SLC6A12: variants seen among roughly 807,000 people sequenced by gnomAD.
SLC6A12 encodes sodium- and chloride-dependent betaine transporter.
Under a neutral mutation model 73.3 loss-of-function variants are expected in SLC6A12, and 50 were observed. That is an observed-to-expected ratio of 0.68 (90% CI 0.54 to 0.86). The LOEUF is 0.86. Ranked by LOEUF, SLC6A12 falls within the 40% of genes least tolerant of loss-of-function variation. The pLI is 0.00. For missense variants in SLC6A12, 648 were observed against 772.8 expected, an observed-to-expected ratio of 0.84 and a Z score of 1.92; for synonymous variants, 304 against 309.2, an observed-to-expected ratio of 0.98 and a Z score of 0.18.
chr12:207,670 A>C (rs1285967136), intron 3 of SLC6A12, among the ~76,000 whole-genome samples: 1 of 152,212 alleles, frequency 6.6e-6, no homozygotes, highest in African/African-American at 2.4e-5. Context: ...AAAGCAAAAA[A>C]ATAAAAGACA....
At chr12:185,013 G>A in the SLC6A12 span, among the ~76,000 whole-genome samples, 2 of 152,110 alleles carry the variant, frequency 1.3e-5, no homozygotes, top group Non-Finnish European at 2.9e-5. Flanking sequence ...AAGCAAGGAT[G>A]CCAGCTGCCA....
At chr12:186,558 GC>G (rs1045304872), downstream of SLC6A12, among the ~76,000 whole-genome samples, 1 of 152,222 alleles carries the variant, frequency 6.6e-6, no homozygotes, top group Non-Finnish European at 1.5e-5. Context: ...GCCACTAGAA[GC>G]CTTGGCCAGC....
At chr12:196,958 CTGTG>C (rs150908861) in intron 10 of SLC6A12, 76 bp from the exon 11 acceptor site, 16 of 929,840 alleles carry the variant, frequency 1.7e-5, no homozygotes, top group African/African-American at 1.1e-4. Flanking sequence ...TCTCTAAGCA[CTGTG>C]TGTGTGTGTA....
In SLC6A12 at chr12:213,411, T is replaced by C. The variant is rs1051241912; in HGVS notation, c.-143+511A>G. 2 of 152,490 alleles carry C rather than the reference T, an allele frequency of 1.3e-5. No homozygotes were observed. Among genetic ancestry groups the C allele is most frequent in the African/African-American group, 4.8e-5 (2 of 41,444 alleles). 9.4% of individuals were successfully genotyped at this position (152,490 alleles called of 1,614,324 possible). ...CCCCCCTCGGGTACAAGCACACCCA[T>C]AGCATCCACCGCCCAAAGCCAAGAC... is the stretch of plus-strand genomic sequence containing the variant. On this transcript the variant is annotated intron_variant, in intron 1 of 15. Transcript: ENST00000684302. The surrounding 1 kb of genome is among the most constrained non-coding windows in gnomAD (Gnocchi z 5.3).
At chr12:189,349 T>C (rs1311440190), downstream of SLC6A12, among the ~76,000 whole-genome samples, 1 of 152,190 alleles carries the variant, frequency 6.6e-6, no homozygotes, top group Non-Finnish European at 1.5e-5. Context: ...TGAGAGCATC[T>C]GGCTGAAGCC....
intron 3 of SLC6A12, among the ~76,000 whole-genome samples, chr12:205,846 T>A (rs1940607472): frequency 6.6e-6 from 1 of 152,228 alleles, no homozygotes; most frequent in South Asian, 2.1e-4. Flanking sequence ...CATATCTACC[T>A]CATCATTTTG....
intron 11 of SLC6A12, among the ~76,000 whole-genome samples, chr12:196,471 G>C (rs374527562): frequency 5.9e-5 from 9 of 152,228 alleles, no homozygotes; most frequent in African/African-American, 1.4e-4. Context: ...GGGTTAGAGG[G>C]GGGTATGTTC....
At chr12:201,496 C>T in intron 6 of SLC6A12, 1 of 460,820 alleles carries the variant, frequency 2.2e-6, no homozygotes, top group South Asian at 2.2e-5. Flanking sequence ...CCCCACTGGA[C>T]ATGTGTGGGC....
chr12:206,996 G>A (rs559469680), intron 3 of SLC6A12, among the ~76,000 whole-genome samples: 100 of 152,354 alleles, frequency 6.6e-4, no homozygotes, highest in African/African-American at 2.2e-3. Context: ...AGGAGGCCTG[G>A]AGCTGGGCCT....
intron 10 of SLC6A12, among the ~76,000 whole-genome samples, chr12:197,106 C>T (rs867022094): frequency 1.2e-3 from 73 of 58,538 alleles, no homozygotes; most frequent in Middle Eastern, 6.7e-3. Flanking sequence ...TCCATCCATC[C>T]ATCCATCCAT....
At chr12:209,681 A>T in intron 3 of SLC6A12, 92 bp downstream of exon 3, 7 of 1,399,158 alleles carry the variant, frequency 5.0e-6, no homozygotes, top group Non-Finnish European at 7.1e-6. Context: ...CCTTTTATAA[A>T]CCACACTGCC....
At chr12:187,967 A>C (rs1939466373), downstream of SLC6A12, among the ~76,000 whole-genome samples, 2 of 152,204 alleles carry the variant, frequency 1.3e-5, no homozygotes, top group Non-Finnish European at 2.9e-5. Flanking sequence ...AGCTAGATAC[A>C]GAGTGCCGAT....
At chr12:187,576 T>C (rs1439214135), downstream of SLC6A12, among the ~76,000 whole-genome samples, 6 of 102,186 alleles carry the variant, frequency 5.9e-5, no homozygotes, top group Admixed American at 3.5e-4. Flanking sequence ...CAGCAAGATT[T>C]ACTGCAAAAG....
intron 3 of SLC6A12, among the ~76,000 whole-genome samples, chr12:207,990 C>G (rs1940733312): frequency 1.3e-5 from 2 of 152,216 alleles, no homozygotes; most frequent in Admixed American, 1.3e-4. Context: ...CAGCAGCCAG[C>G]ATGACAGGAC....
intron 9 of SLC6A12, 43 bp from the exon 10 acceptor site, chr12:197,544 G>C (rs1312410792): frequency 1.3e-6 from 2 of 1,578,024 alleles, no homozygotes; most frequent in Non-Finnish European, 1.7e-6. Flanking sequence ...GGGAGGAAAA[G>C]AGAGGAAGAG....
At chr12:184,582 C>G in the SLC6A12 span, among the ~76,000 whole-genome samples, 1 of 152,108 alleles carries the variant, frequency 6.6e-6, no homozygotes, top group Admixed American at 6.5e-5. Context: ...AACCCCATCT[C>G]TACTAAAAAT....
In SLC6A12 at chr12:193,352, A is replaced by T; in HGVS notation, c.1455T>A (p.Ile485=). 1 of 1,614,002 alleles carries T rather than the reference A, an allele frequency of 6.2e-7. No homozygotes were observed. Among genetic ancestry groups the T allele is most frequent in the Non-Finnish European group, 8.5e-7 (1 of 1,179,930 alleles). ...ATGGCCGGTAGCCAATCATGTCCTC[A>T]ATGTTGTCATAGAAACGGTCCGCCC... is the stretch of plus-strand genomic sequence containing the variant. ...VYGADRFYDN[I]EDMIGYRPWP... Residue 485 remains isoleucine, a synonymous_variant, in exon 14 of 16, where the codon ATT becomes ATA. Coordinates refer to ENST00000684302, the MANE Select transcript of SLC6A12 (RefSeq NM_001122848.3).
At chr12:186,156 G>A (rs533297671), downstream of SLC6A12, among the ~76,000 whole-genome samples, 19 of 152,194 alleles carry the variant, frequency 1.2e-4, no homozygotes, top group African/African-American at 4.1e-4. Context: ...GCTGAGGGAC[G>A]CCTCTGAAGA....
At chr12:197,811 T>C (rs1565469781) in intron 9 of SLC6A12, 89 bp downstream of exon 9, 3 of 927,854 alleles carry the variant, frequency 3.2e-6, no homozygotes, top group Non-Finnish European at 5.1e-6. Context: ...ATAAGGAAGG[T>C]CTGGGCCCAG....
Sources: allele counts gnomAD v4.1 joint callset (sites outside exome capture counted in the v4.1 genomes callset), GRCh38; gene constraint gnomAD v4.1.1; non-coding constraint Gnocchi (gnomAD v3.1); transcripts MANE v1.5; gene names NCBI Gene and HGNC (gene_info 2026-07-23, HGNC 2026-07-21).